The following PGCKA1 variants were observed in gnomAD, a reference collection of about 807,000 sequenced individuals.
The protein encoded by PGCKA1 is PDCD10 and GCKIII kinases associated 1, also known as PDCD10 and GCKIII kinases-associated protein 1.
At chr4:37,475,955 C>T in the PGCKA1 span, among the ~76,000 whole-genome samples, 3 of 150,004 alleles carry the variant, frequency 2.0e-5, no homozygotes, top group Non-Finnish European at 4.4e-5. Context: ...TTTTAAAATA[C>T]ATTATTTAAA....
the PGCKA1 span, among the ~76,000 whole-genome samples, chr4:37,572,063 C>CTTTTTCT: frequency 3.3e-5 from 3 of 89,972 alleles, no homozygotes; most frequent in Non-Finnish European, 6.1e-5. Flanking sequence ...TTTTTTTTTT[C>CTTTTTCT]TTTTTTTTTT....
At chr4:37,464,314 G>A in the PGCKA1 span, among the ~76,000 whole-genome samples, 1 of 152,122 alleles carries the variant, frequency 6.6e-6, no homozygotes, top group Non-Finnish European at 1.5e-5. Context: ...TTGAATTTTG[G>A]CTCTGCCATT....
At chr4:37,567,311 T>G in the PGCKA1 span, among the ~76,000 whole-genome samples, 1 of 152,212 alleles carries the variant, frequency 6.6e-6, no homozygotes, top group African/African-American at 2.4e-5. Context: ...AAAACAGTCC[T>G]TGGCACATAG....
chr4:37,466,467 A>G, the PGCKA1 span, among the ~76,000 whole-genome samples: 2 of 152,182 alleles, frequency 1.3e-5, no homozygotes, highest in Non-Finnish European at 2.9e-5. Flanking sequence ...CTTTATTTTA[A>G]GAACAGTGAG....
the PGCKA1 span, among the ~76,000 whole-genome samples, chr4:37,514,632 A>G: frequency 1.3e-5 from 2 of 152,204 alleles, no homozygotes; most frequent in Non-Finnish European, 2.9e-5. Context: ...TTTTAAAATT[A>G]TATGGTATGA....
the PGCKA1 span, among the ~76,000 whole-genome samples, chr4:37,477,064 A>C: frequency 6.6e-6 from 1 of 152,140 alleles, no homozygotes. Flanking sequence ...GGAAAAAAAC[A>C]TACGTTTATG....
the PGCKA1 span, among the ~76,000 whole-genome samples, chr4:37,470,359 G>T: frequency 6.9e-6 from 1 of 145,474 alleles, no homozygotes; most frequent in Non-Finnish European, 1.6e-5. Flanking sequence ...AAGGATAAAA[G>T]GGTGCTGTGT....
chr4:37,586,600 G>T, the PGCKA1 span, among the ~76,000 whole-genome samples: 32 of 152,262 alleles, frequency 2.1e-4, no homozygotes, highest in South Asian at 1.9e-3. Context: ...AAATTACTAC[G>T]AACTTAGAGG....
At chr4:37,553,345 A>G in the PGCKA1 span, among the ~76,000 whole-genome samples, 1 of 137,792 alleles carries the variant, frequency 7.3e-6, no homozygotes, top group Non-Finnish European at 1.6e-5. Flanking sequence ...TTGACACCTG[A>G]TCTTTATAGT....
the PGCKA1 span, chr4:37,461,029 G>C: frequency 1.5e-4 from 34 of 227,238 alleles, no homozygotes; most frequent in Non-Finnish European, 2.7e-4. Context: ...TTAAGGAAGG[G>C]GTGCAGTTTC....
chr4:37,517,247 A>G, the PGCKA1 span, among the ~76,000 whole-genome samples: 3 of 147,928 alleles, frequency 2.0e-5, no homozygotes. Context: ...GTGAAACTCC[A>G]TCTCAAAAAA....
the PGCKA1 span, among the ~76,000 whole-genome samples, chr4:37,515,388 A>G: frequency 6.6e-6 from 1 of 152,320 alleles, no homozygotes; most frequent in Non-Finnish European, 1.5e-5. Context: ...TGAAGTAGTC[A>G]CAAAGGTCCA....
At chr4:37,531,674 C>T in the PGCKA1 span, among the ~76,000 whole-genome samples, 4 of 151,364 alleles carry the variant, frequency 2.6e-5, no homozygotes, top group Non-Finnish European at 5.9e-5. Flanking sequence ...GGGCGGATCA[C>T]GAGGTCAGGA....
At chr4:37,512,447 T>C in the PGCKA1 span, among the ~76,000 whole-genome samples, 75,222 of 148,044 alleles carry the variant, frequency 0.51, 19,478 homozygotes, top group African/African-American at 0.6. Flanking sequence ...CCAGAAAGTG[T>C]TGATTTCTTT....
the PGCKA1 span, among the ~76,000 whole-genome samples, chr4:37,581,458 T>C: frequency 2.0e-5 from 3 of 152,190 alleles, no homozygotes; most frequent in Non-Finnish European, 4.4e-5. This position sits in a 1 kb window ranked among gnomAD's most constrained non-coding sequence, Gnocchi z 4.4. Context: ...CAGCAGGTGA[T>C]GGGTCTTGCC....
chr4:37,571,355 CTTTTTTTTTTTT>C, the PGCKA1 span, among the ~76,000 whole-genome samples: 2 of 78,036 alleles, frequency 2.6e-5, no homozygotes, highest in African/African-American at 1.2e-4. Context: ...GACTATTATC[CTTTTTTTTTTTT>C]TTTTTTTTTT....
At chr4:37,548,007 A>C in the PGCKA1 span, among the ~76,000 whole-genome samples, 1 of 135,094 alleles carries the variant, frequency 7.4e-6, no homozygotes, top group Non-Finnish European at 1.7e-5. Context: ...TCTTCAAAAA[A>C]AAAAGGAAAA....
chr4:37,574,119 C>T, the PGCKA1 span, among the ~76,000 whole-genome samples: 2 of 151,374 alleles, frequency 1.3e-5, no homozygotes, highest in Admixed American at 6.6e-5. Context: ...ACCTGGGAGG[C>T]GGAGGTAGCA....
At chr4:37,570,454 A>C in the PGCKA1 span, among the ~76,000 whole-genome samples, 1 of 138,584 alleles carries the variant, frequency 7.2e-6, no homozygotes, top group East Asian at 2.3e-4. Context: ...AAAAAGATTG[A>C]GCTGTCAAAG....
Sources: gnomAD v4.1 joint callset for allele counts (sites outside exome capture counted in the v4.1 genomes callset) on GRCh38, gnomAD v4.1.1 for gene constraint, Gnocchi (gnomAD v3.1) non-coding constraint, MANE v1.5 for transcripts, NCBI Gene and HGNC (gene_info 2026-07-23, HGNC 2026-07-21) for gene names.